The following USH2A variants were observed in gnomAD, a reference collection of about 807,000 sequenced individuals.
USH2A encodes Usher syndrome 2A (autosomal recessive, mild).
A neutral mutation model predicts 538.9 loss-of-function variants in USH2A; 443 were observed. The observed-to-expected ratio is 0.82, with a 90% CI of 0.76 to 0.89. The LOEUF is 0.89. USH2A is among the 40% of genes least tolerant of loss of function. The pLI, the probability that USH2A is intolerant of heterozygous loss-of-function variation, is 0.00. For missense variants in USH2A, 6,633 were observed against 6,324.8 expected, an observed-to-expected ratio of 1.05 and a Z score of -1.65; for synonymous variants, 2,413 against 2,273.5, an observed-to-expected ratio of 1.06 and a Z score of -1.75.
At chr1:215,856,553 C>A (rs76927094) in intron 44 of USH2A, among the ~76,000 whole-genome samples, 2,833 of 152,110 alleles carry the variant, frequency 0.019, 92 homozygotes, top group African/African-American at 0.065. Context: ...AAATAATAGA[C>A]CTTGGCATAG....
intron 21 of USH2A, among the ~76,000 whole-genome samples, chr1:216,138,794 A>T (rs1488343809): frequency 6.6e-6 from 1 of 152,180 alleles, no homozygotes; most frequent in Non-Finnish European, 1.5e-5. Flanking sequence ...TCAGGAAGAC[A>T]ACTCAAGTCT....
Position 215,674,569 on chromosome 1 carries a change from C to A in USH2A, c.13342G>T (p.Asp4448Tyr), listed in dbSNP as rs2102665421. The change falls in exon 63 of 72, where the codon GAC becomes TAC. Residue 4448 changes from aspartate (D) to tyrosine (Y), a missense_variant. Physicochemically the swap from Asp to Tyr is radical, Grantham distance 160 (BLOSUM62 -3). Coordinates refer to ENST00000307340, the MANE Select transcript of USH2A (RefSeq NM_206933.4). ...CCTGTGACTTGCAATGTTGGAGAGT[C>A]CATGTTCTCTGGCAGGGCCTCCATT... The part of the protein sequence containing the change: ...WTMEALPENM[D>Y]SPTLQVTGSE... 6.2e-7 allele frequency: 1 copy of A among 1,613,992 alleles called. No individual in the cohort carries two copies. The highest frequency in any genetic ancestry group is 8.5e-7 in the Non-Finnish European group (1 of 1,179,954).
intron 41 of USH2A, among the ~76,000 whole-genome samples, chr1:215,885,597 A>G (rs1342933276): frequency 6.6e-6 from 1 of 152,224 alleles, no homozygotes; most frequent in East Asian, 1.9e-4. Context: ...GTAATCAAAT[A>G]AGATTTTAAG....
intron 55 of USH2A, among the ~76,000 whole-genome samples, chr1:215,768,869 G>A (rs1661202830): frequency 6.6e-6 from 1 of 152,156 alleles, no homozygotes; most frequent in Non-Finnish European, 1.5e-5. Flanking sequence ...GCATCACTGA[G>A]CGAGTCTTTT....
chr1:216,342,085 G>A (rs757053499), intron 4 of USH2A, among the ~76,000 whole-genome samples: 15 of 152,004 alleles, frequency 9.9e-5, no homozygotes, highest in East Asian at 1.9e-4. Flanking sequence ...GAAAATTTTC[G>A]CAACCCATCC....
intron 14 of USH2A, among the ~76,000 whole-genome samples, chr1:216,227,287 T>C (rs1246534099): frequency 6.6e-6 from 1 of 152,056 alleles, no homozygotes; most frequent in Non-Finnish European, 1.5e-5. Context: ...AGAAACAAAA[T>C]GAAGAAGAAA....
intron 61 of USH2A, among the ~76,000 whole-genome samples, chr1:215,711,236 A>C (rs1659330467): frequency 6.6e-6 from 1 of 152,212 alleles, no homozygotes; most frequent in South Asian, 2.1e-4. Flanking sequence ...TCATATTTGC[A>C]AAAGTGAGTA....
chr1:216,219,450 T>A (rs1047660949), intron 14 of USH2A, among the ~76,000 whole-genome samples: 1 of 152,122 alleles, frequency 6.6e-6, no homozygotes, highest in Admixed American at 6.6e-5. Context: ...TCAAATATAA[T>A]TTTAAACACT....
At chr1:216,050,600 C>CTTTCTT (rs1195331491) in intron 30 of USH2A, among the ~76,000 whole-genome samples, 1 of 47,562 alleles carries the variant, frequency 2.1e-5, no homozygotes, top group Admixed American at 2.1e-4. Flanking sequence ...TTCTTTCTTT[C>CTTTCTT]TTTCTTTTTT....
chr1:215,696,104 G>A lies in USH2A; in HGVS notation c.12067-15728C>T, dbSNP rs185441760. On this transcript the variant is annotated intron_variant, in intron 61 of 71. Coordinates refer to ENST00000307340, the MANE Select transcript of USH2A (RefSeq NM_206933.4). ...AACTACTAACAGGATACTAATAACA[G>A]AAGCCTTACCAACAACATAAGCTGT... Among the ~76,000 whole-genome samples the A allele has an allele frequency of 2.0e-5, 3 of 152,178 alleles. No homozygotes were observed. In the East Asian group the frequency reaches 5.8e-4, roughly 29 times the overall value.
Position 215,844,324 on chromosome 1 carries a change from G to T in USH2A, c.9228C>A (p.Asp3076Glu), listed in dbSNP as rs186421333. ...TGTCATAGATAGTGAAGGGAGACAG[G>T]TCTCTCAGAATAAACGACCCAGGCA... ...MNVPGSFILR[D>E]LSPFTIYDIQ... is the part of the protein sequence containing the mutation. Residue 3076 changes from aspartate to glutamate, a missense_variant, in exon 46 of 72, where the codon GAC becomes GAA. Transcript: ENST00000307340. The T allele has an allele frequency of 3.7e-6, 6 of 1,613,600 alleles. No homozygotes were observed. Among genetic ancestry groups the T allele is most frequent in the Admixed American group, 3.3e-5 (2 of 59,894 alleles).
chr1:216,093,478 G>C (rs552015403), intron 22 of USH2A, among the ~76,000 whole-genome samples: 1 of 152,258 alleles, frequency 6.6e-6, no homozygotes, highest in East Asian at 1.9e-4. Flanking sequence ...CTTTGCACCA[G>C]CCTGTCCAGG....
At chr1:216,384,795 A>G (rs962139233) in intron 3 of USH2A, among the ~76,000 whole-genome samples, 1 of 152,218 alleles carries the variant, frequency 6.6e-6, no homozygotes, top group African/African-American at 2.4e-5. Flanking sequence ...ATAAAAGAAA[A>G]TGGTTAAAAG....
intron 11 of USH2A, among the ~76,000 whole-genome samples, chr1:216,260,120 T>TAA (rs1231930138): frequency 6.6e-6 from 1 of 151,976 alleles, no homozygotes; most frequent in Non-Finnish European, 1.5e-5. Context: ...ATACTTCAAT[T>TAA]AAAAAAATAG....
chr1:215,725,066 C>T (rs1659771472), intron 61 of USH2A, among the ~76,000 whole-genome samples: 3 of 152,252 alleles, frequency 2.0e-5, no homozygotes, highest in African/African-American at 7.2e-5. Context: ...CGGAGTCTTG[C>T]TCTGTTGCCC....
intron 3 of USH2A, among the ~76,000 whole-genome samples, chr1:216,369,622 G>C (rs2038663154): frequency 1.3e-5 from 2 of 152,046 alleles, no homozygotes; most frequent in African/African-American, 4.8e-5. Context: ...ATATTAAAAA[G>C]CTAGTATGGG....
intron 55 of USH2A, among the ~76,000 whole-genome samples, chr1:215,779,257 T>C (rs1163605495): frequency 6.6e-6 from 1 of 152,200 alleles, no homozygotes; most frequent in African/African-American, 2.4e-5. Context: ...CTGTTAATTA[T>C]TATCATAATC....
chr1:216,177,060 A>C (rs1416248481), intron 20 of USH2A, among the ~76,000 whole-genome samples: 1 of 152,044 alleles, frequency 6.6e-6, no homozygotes, highest in African/African-American at 2.4e-5. Flanking sequence ...TGTGTTTTTA[A>C]CTCCGTTGAG....
chr1:216,040,227 T>A (rs1208565816), intron 32 of USH2A, among the ~76,000 whole-genome samples: 1 of 152,056 alleles, frequency 6.6e-6, no homozygotes, highest in East Asian at 1.9e-4. Context: ...AACTATAAGA[T>A]GACTATGTAG....
Sources: allele counts gnomAD v4.1 joint callset (sites outside exome capture counted in the v4.1 genomes callset), GRCh38; gene constraint gnomAD v4.1.1; transcripts MANE v1.5; gene names NCBI Gene and HGNC (gene_info 2026-07-23, HGNC 2026-07-21).